CACNA1A: variants seen among roughly 807,000 people sequenced by gnomAD.
CACNA1A encodes calcium voltage-gated channel subunit alpha1 A.
Under a neutral mutation model 262.4 loss-of-function variants are expected in CACNA1A, and 57 were observed. That is an observed-to-expected ratio of 0.22 (90% CI 0.18 to 0.27). The LOEUF (loss-of-function observed/expected upper bound fraction) is 0.27, where lower values mean the gene tolerates loss of function less well. Ranked by LOEUF, CACNA1A falls within the 10% of genes least tolerant of loss-of-function variation. The pLI, the probability that CACNA1A is intolerant of heterozygous loss-of-function variation, is 1.00. For synonymous variants in CACNA1A, 1,431 were observed against 1,419.3 expected, an observed-to-expected ratio of 1.01 and a Z score of -0.18; for missense variants, 2,526 against 3,562.8, an observed-to-expected ratio of 0.71 and a Z score of 7.41.
intron 3 of CACNA1A, among the ~76,000 whole-genome samples, chr19:13,414,842 A>G (rs545974144): frequency 1.3e-5 from 2 of 152,166 alleles, no homozygotes; most frequent in Admixed American, 1.3e-4. Flanking sequence ...GTGTGCCTGT[A>G]GTCCCAGCTA....
At position 13,378,957 on chromosome 19, in the gene CACNA1A, C is replaced by T. The variant is rs534248666; in HGVS notation, c.540-7178G>A. ...CTGTTGGGATTACAGGCATGAGCCA[C>T]TGTGCCCAGCCTTTTTTTTTTTTTT... is the stretch of plus-strand genomic sequence containing the variant. On this transcript the variant is annotated intron_variant, in intron 3 of 46. Transcript: ENST00000360228. 2.0e-5 allele frequency among the ~76,000 whole-genome samples: 3 copies of T among 147,788 alleles called. No individual in the cohort carries two copies. The South Asian group carries it at 6.5e-4, about 32-fold the overall frequency.
chr19:13,285,098 C>G lies in CACNA1A; in HGVS notation c.3662G>C (p.Ser1221Thr). 6.2e-7 allele frequency: 1 copy of G among 1,613,988 alleles called. No homozygotes were observed. The highest frequency in any genetic ancestry group is 1.3e-5 in the African/African-American group (1 of 75,052). Residue 1221 changes from serine (S) to threonine (T), a missense_variant, in exon 21 of 47, where the codon AGC becomes ACC. Physicochemically the swap from Ser to Thr is moderately conservative, Grantham distance 58 (BLOSUM62 1). Coordinates refer to ENST00000360228, the MANE Select transcript of CACNA1A (RefSeq NM_001127222.2). Reference sequence around the variant, plus strand: ...GGTCGTGGACAGGATGAACATGGAGCTATAGGGAGGCATTGGCTTAGGGCC... The same window carrying G: ...GGTCGTGGACAGGATGAACATGGAGGTATAGGGAGGCATTGGCTTAGGGCC... ...EDGPKPMPPY[S>T]SMFILSTTNP...
chr19:13,455,927 A>G (rs1167747058), intron 1 of CACNA1A, among the ~76,000 whole-genome samples: 1 of 151,172 alleles, frequency 6.6e-6, no homozygotes, highest in African/African-American at 2.4e-5. Context: ...CGGTGGGTGG[A>G]TCACTTGCGG....
At chr19:13,427,768 G>C (rs940969848) in intron 3 of CACNA1A, among the ~76,000 whole-genome samples, 1 of 147,292 alleles carries the variant, frequency 6.8e-6, no homozygotes, top group African/African-American at 2.6e-5. Context: ...GGAAAACACA[G>C]TGGTAAAAAC....
At chr19:13,267,192 G>A (rs1243699790) in intron 24 of CACNA1A, among the ~76,000 whole-genome samples, 4 of 152,182 alleles carry the variant, frequency 2.6e-5, no homozygotes, top group East Asian at 3.9e-4. Context: ...ACCGTGTACT[G>A]CTCCTGGTGA....
intron 12 of CACNA1A, 157 bp downstream of exon 12, chr19:13,312,512 C>T (rs2058053851): frequency 1.7e-6 from 1 of 571,646 alleles, no homozygotes; most frequent in Non-Finnish European, 3.0e-6. Flanking sequence ...ACACTGTATC[C>T]TTGCCAGTGT....
At chr19:13,323,084 C>G (rs570872700) in intron 10 of CACNA1A, among the ~76,000 whole-genome samples, 1 of 152,180 alleles carries the variant, frequency 6.6e-6, no homozygotes, top group East Asian at 1.9e-4. Flanking sequence ...CCAGCCTGAC[C>G]AACATAGTGA....
chr19:13,397,974 T>C (rs2059837379), intron 3 of CACNA1A, among the ~76,000 whole-genome samples: 1 of 152,026 alleles, frequency 6.6e-6, no homozygotes, highest in Non-Finnish European at 1.5e-5. Context: ...AATACATTTT[T>C]TTTTTGGCCA....
intron 3 of CACNA1A, among the ~76,000 whole-genome samples, chr19:13,393,491 TTTTCCTTCCTTCC>T (rs200045216): frequency 0.097 from 14,414 of 148,102 alleles, 713 homozygotes; most frequent in Middle Eastern, 0.2. Flanking sequence ...TGCTGTTTTT[TTTTCCTTCCTTCC>T]TTTCCTTCCT....
At chr19:13,457,989 G>C (rs1240257941) in intron 1 of CACNA1A, among the ~76,000 whole-genome samples, 1 of 151,850 alleles carries the variant, frequency 6.6e-6, no homozygotes, top group Non-Finnish European at 1.5e-5. Flanking sequence ...GAAATATCCC[G>C]AACAGGCAAA....
chr19:13,243,263 G>A (rs1034117918), intron 31 of CACNA1A, among the ~76,000 whole-genome samples: 24 of 152,216 alleles, frequency 1.6e-4, no homozygotes, highest in African/African-American at 5.8e-4. Flanking sequence ...TTCAGGGATA[G>A]GGTGAGGGGA....
intron 6 of CACNA1A, 111 bp from the exon 7 acceptor site, chr19:13,336,020 C>G: frequency 1.6e-6 from 1 of 644,884 alleles, no homozygotes; most frequent in Non-Finnish European, 2.7e-6. Flanking sequence ...CTTAAATGTT[C>G]TTGGCTTGTG....
chr19:13,492,043 G>A (rs1980953864), intron 1 of CACNA1A, among the ~76,000 whole-genome samples: 1 of 152,142 alleles, frequency 6.6e-6, no homozygotes, highest in Non-Finnish European at 1.5e-5. Flanking sequence ...CACTTTTACT[G>A]ATGAGGAAAG....
chr19:13,400,675 G>A (rs1479017405), intron 3 of CACNA1A, among the ~76,000 whole-genome samples: 1 of 152,102 alleles, frequency 6.6e-6, no homozygotes, highest in Non-Finnish European at 1.5e-5. Context: ...GCAATGTGTG[G>A]AGACATTTTT....
At chr19:13,339,708 A>G (rs1412709430) in intron 6 of CACNA1A, among the ~76,000 whole-genome samples, 1 of 152,126 alleles carries the variant, frequency 6.6e-6, no homozygotes, top group Non-Finnish European at 1.5e-5. Context: ...TCAATTAAAA[A>G]ATGTTACAAA....
At chr19:13,282,315 G>T (rs2057310151) in intron 22 of CACNA1A, among the ~76,000 whole-genome samples, 2 of 149,498 alleles carry the variant, frequency 1.3e-5, no homozygotes, top group Admixed American at 1.3e-4. Context: ...TTGGCTCTGG[G>T]TTGGGAGGGA....
Position 13,466,005 on chromosome 19 carries a change from G to A in CACNA1A, c.294-10793C>T, listed in dbSNP as rs543361362. ...GGTTGCCAGAGGCTGGAGGAAGGTGGTGGGGAGGGGAGAAGGAGAGAGACT... is the reference window on the plus strand; with the variant it reads ...GGTTGCCAGAGGCTGGAGGAAGGTGATGGGGAGGGGAGAAGGAGAGAGACT... On this transcript the variant is annotated intron_variant, in intron 1 of 46. Transcript: ENST00000360228. Among the ~76,000 whole-genome samples the A allele has an allele frequency of 2.0e-5, 3 of 152,232 alleles. No homozygotes were observed. In the East Asian group the frequency reaches 5.8e-4, roughly 29 times the overall value.
intron 36 of CACNA1A, chr19:13,228,846 C>T: frequency 2.8e-6 from 3 of 1,059,984 alleles, no homozygotes; most frequent in Non-Finnish European, 4.2e-6. Flanking sequence ...CACACGGGCT[C>T]CCTGGGCACA....
chr19:13,354,391 C>T (rs905826535), intron 6 of CACNA1A, among the ~76,000 whole-genome samples: 12 of 152,138 alleles, frequency 7.9e-5, no homozygotes, highest in South Asian at 2.1e-4. Context: ...CCAAACAGAT[C>T]GAGGCTCATT....
Sources: gnomAD v4.1 joint callset for allele counts (sites outside exome capture counted in the v4.1 genomes callset) on GRCh38, gnomAD v4.1.1 for gene constraint, MANE v1.5 for transcripts, NCBI Gene and HGNC (gene_info 2026-07-23, HGNC 2026-07-21) for gene names.